TBC1D1: variants seen among roughly 807,000 people sequenced by gnomAD.
The protein encoded by TBC1D1 is TBC1 (tre-2/USP6, BUB2, cdc16) domain family, member 1.
A neutral mutation model predicts 125.6 loss-of-function variants in TBC1D1; 89 were observed. The observed-to-expected ratio is 0.71, with a 90% CI of 0.60 to 0.85. The LOEUF is 0.85. Among genes scored for constraint, TBC1D1 ranks in the 40% least tolerant of loss-of-function variants. The pLI is 0.00. For synonymous variants in TBC1D1, 565 were observed against 564.1 expected, an observed-to-expected ratio of 1.00 and a Z score of -0.02; for missense variants, 1,377 against 1,469.2, an observed-to-expected ratio of 0.94 and a Z score of 1.03.
intron 12 of TBC1D1, among the ~76,000 whole-genome samples, chr4:38,081,004 A>G (rs1329397771): frequency 6.6e-6 from 1 of 152,230 alleles, no homozygotes; most frequent in Non-Finnish European, 1.5e-5. Flanking sequence ...ATAGTTTTGC[A>G]TAATTTAAGA....
chr4:38,022,650 T>TGG (rs1426152916), intron 6 of TBC1D1, among the ~76,000 whole-genome samples: 3 of 151,762 alleles, frequency 2.0e-5, no homozygotes, highest in African/African-American at 7.3e-5. Context: ...TGAACAAGAG[T>TGG]GGGGAGTCCA....
intron 12 of TBC1D1, among the ~76,000 whole-genome samples, chr4:38,072,312 G>A (rs756531212): frequency 6.6e-5 from 10 of 152,180 alleles, no homozygotes; most frequent in Non-Finnish European, 1.0e-4. Flanking sequence ...GCAGAGCTTC[G>A]TTTACATCAT....
chr4:38,120,344 C>T (rs1763652155), intron 17 of TBC1D1, among the ~76,000 whole-genome samples: 1 of 152,152 alleles, frequency 6.6e-6, no homozygotes, highest in South Asian at 2.1e-4. Flanking sequence ...TTCCACAGTC[C>T]ATCCCATCTT....
chr4:37,993,862 G>T (rs1438495478), intron 2 of TBC1D1, among the ~76,000 whole-genome samples: 2 of 152,236 alleles, frequency 1.3e-5, no homozygotes, highest in Admixed American at 1.3e-4. Context: ...CATTAAGGGC[G>T]TGAGCCACCG....
chr4:38,095,500 G>A (rs1759172820), intron 13 of TBC1D1, among the ~76,000 whole-genome samples: 1 of 152,140 alleles, frequency 6.6e-6, no homozygotes, highest in Non-Finnish European at 1.5e-5. Flanking sequence ...TGGAGGTTTG[G>A]CTCTAAATAA....
chr4:38,129,926 T>C (rs773624379), intron 18 of TBC1D1, among the ~76,000 whole-genome samples: 2 of 152,230 alleles, frequency 1.3e-5, no homozygotes, highest in Non-Finnish European at 2.9e-5. Flanking sequence ...CATTGATTAG[T>C]GGCTGTTGGG....
At chr4:38,005,711 G>A (rs1398220500) in intron 2 of TBC1D1, among the ~76,000 whole-genome samples, 1 of 152,138 alleles carries the variant, frequency 6.6e-6, no homozygotes, top group Non-Finnish European at 1.5e-5. Flanking sequence ...AAATTCCTTT[G>A]CTGTGTTTTT....
At chr4:37,967,409 C>T (rs759549202) in intron 2 of TBC1D1, among the ~76,000 whole-genome samples, 21 of 151,384 alleles carry the variant, frequency 1.4e-4, no homozygotes, top group Non-Finnish European at 2.2e-4. Flanking sequence ...GCAGGAGAAT[C>T]GCTTGAGCCT....
intron 8 of TBC1D1, among the ~76,000 whole-genome samples, chr4:38,036,163 G>T (rs1051978837): frequency 2.0e-5 from 3 of 152,340 alleles, no homozygotes; most frequent in African/African-American, 4.8e-5. Context: ...ATTCAGGTTA[G>T]AACTTGGATT....
rs138291800 is a variant in TBC1D1 at position 37,937,818 on chromosome 4, C to T, written c.417+35306C>T. 4.2e-3 allele frequency among the ~76,000 whole-genome samples: 646 copies of T among 152,248 alleles called. 6 individuals are homozygous for T. Among genetic ancestry groups the T allele is most frequent in the African/African-American group, 0.013 (560 of 41,540 alleles). ...GTGTGGTGTTGCTGGTGGTTCCTAA[C>T]GCTCAGGAGGGGACTACCTGCCCAG... is the stretch of plus-strand genomic sequence containing the variant. On this transcript the variant is annotated intron_variant, in intron 2 of 19. Transcript: ENST00000261439.
Position 38,014,357 on chromosome 4 carries a change from C to G in TBC1D1, c.418-152C>G, listed in dbSNP as rs1474745805. The G allele has an allele frequency of 7.6e-6, 5 of 661,660 alleles. No homozygotes were observed. The South Asian group carries it at 9.2e-5, about 12-fold the overall frequency. 41.0% of individuals were successfully genotyped at this position (661,660 alleles called of 1,614,324 possible). On this transcript the variant is annotated intron_variant, in intron 2 of 19. Coordinates refer to ENST00000261439, the MANE Select transcript of TBC1D1 (RefSeq NM_015173.4). This position sits in a 1 kb window ranked among gnomAD's most constrained non-coding sequence, Gnocchi z 5.1. ...CCTCCCATGGGAAGACATTCCTAGT[C>G]CCCTCCCGTGGGCTCCTCCTCCAGT...
At chr4:38,071,425 ATC>A (rs1754686051) in intron 12 of TBC1D1, among the ~76,000 whole-genome samples, 1 of 152,216 alleles carries the variant, frequency 6.6e-6, no homozygotes, top group Non-Finnish European at 1.5e-5. Flanking sequence ...TCATTTTTAT[ATC>A]TCTTTTTCGA....
intron 2 of TBC1D1, among the ~76,000 whole-genome samples, chr4:37,929,277 A>G (rs1722774113): frequency 6.6e-6 from 1 of 152,216 alleles, no homozygotes; most frequent in Non-Finnish European, 1.5e-5. Context: ...TATATATAAG[A>G]TATGACAATG....
intron 2 of TBC1D1, among the ~76,000 whole-genome samples, chr4:38,001,900 C>T (rs1739169684): frequency 1.3e-5 from 2 of 152,190 alleles, no homozygotes; most frequent in Non-Finnish European, 2.9e-5. Context: ...AGTACTATAT[C>T]ATAATTATTT....
At chr4:38,111,865 G>A (rs1035264583) in intron 15 of TBC1D1, 23 of 935,472 alleles carry the variant, frequency 2.5e-5, no homozygotes, top group Non-Finnish European at 2.8e-5. Context: ...CAGTTGTCCT[G>A]CTTAACCGCT....
chr4:38,027,593 A>G (rs1252327344), intron 6 of TBC1D1, among the ~76,000 whole-genome samples, 195 bp from the exon 7 acceptor site: 1 of 152,028 alleles, frequency 6.6e-6, no homozygotes, highest in Non-Finnish European at 1.5e-5. Flanking sequence ...CCGTGATTGC[A>G]CCACTGCAAT....
At chr4:37,948,585 C>G (rs188034982) in intron 2 of TBC1D1, among the ~76,000 whole-genome samples, 1 of 151,614 alleles carries the variant, frequency 6.6e-6, no homozygotes, top group Non-Finnish European at 1.5e-5. Flanking sequence ...CGAGATCTCA[C>G]CCACTGCACT....
chr4:38,054,439 A>C (rs1216734655), intron 12 of TBC1D1, 101 bp downstream of exon 14: 1 of 1,480,994 alleles, frequency 6.8e-7, no homozygotes, highest in East Asian at 2.3e-5. Context: ...CGTCCTCTTC[A>C]GTATTGGCAG....
intron 12 of TBC1D1, among the ~76,000 whole-genome samples, chr4:38,059,383 A>G (rs1752349154): frequency 6.6e-6 from 1 of 152,246 alleles, no homozygotes; most frequent in Admixed American, 6.5e-5. Context: ...GGGAAATTGT[A>G]TGATAAATAG....
Sources: gnomAD v4.1 joint callset for allele counts (sites outside exome capture counted in the v4.1 genomes callset) on GRCh38, gnomAD v4.1.1 for gene constraint, Gnocchi (gnomAD v3.1) non-coding constraint, MANE v1.5 for transcripts, NCBI Gene and HGNC (gene_info 2026-07-23, HGNC 2026-07-21) for gene names.